PKIB: variants seen among roughly 807,000 people sequenced by gnomAD.
PKIB encodes the protein cAMP-dependent protein kinase inhibitor beta.
A neutral mutation model predicts 4.5 loss-of-function variants in PKIB; 2 were observed. That is an observed-to-expected ratio of 0.44 (90% CI 0.18 to 1.39). PKIB has a LOEUF of 1.39. PKIB is among the 40% of genes most tolerant of loss of function. The pLI, the probability that PKIB is intolerant of heterozygous loss-of-function variation, is 0.27. For synonymous variants in PKIB, 38 were observed against 36.0 expected (o/e 1.06, Z -0.20); for missense variants, 94 against 92.6 (o/e 1.02, Z -0.06).
chr6:122,524,138 C>T (rs1257100696), intron 2 of PKIB, among the ~76,000 whole-genome samples: 1 of 151,182 alleles, frequency 6.6e-6, no homozygotes, highest in Non-Finnish European at 1.5e-5. Flanking sequence ...CCTCCTCCTT[C>T]CTCCTCCTCC....
At chr6:122,699,948 T>G (rs1054104985) in intron 3 of PKIB, among the ~76,000 whole-genome samples, 1 of 152,144 alleles carries the variant, frequency 6.6e-6, no homozygotes, top group African/African-American at 2.4e-5. Context: ...TGTTTAAATT[T>G]AGGAAGATCC....
chr6:122,708,863 C>T (rs1455867043), intron 3 of PKIB, among the ~76,000 whole-genome samples: 1 of 152,110 alleles, frequency 6.6e-6, no homozygotes, highest in Admixed American at 6.6e-5. Context: ...AAACTCCTGA[C>T]CTCAGGTGAT....
intron 1 of PKIB, among the ~76,000 whole-genome samples, chr6:122,627,229 G>C (rs1270434942): frequency 6.6e-6 from 1 of 150,708 alleles, no homozygotes; most frequent in East Asian, 2.0e-4. Context: ...GGGCGACAGA[G>C]TTAGACTCCG....
At chr6:122,530,676 A>G (rs575696392) in intron 2 of PKIB, among the ~76,000 whole-genome samples, 18 of 152,302 alleles carry the variant, frequency 1.2e-4, no homozygotes, top group African/African-American at 4.3e-4. Context: ...ACTGCAGCCT[A>G]ACATGCTACT....
intron 2 of PKIB, among the ~76,000 whole-genome samples, chr6:122,532,020 T>C (rs1256390771): frequency 6.6e-6 from 1 of 152,192 alleles, no homozygotes; most frequent in East Asian, 1.9e-4. Flanking sequence ...TTCTCATCTC[T>C]AAAATTAGCT....
At chr6:122,670,428 T>A (rs1028897011) in intron 2 of PKIB, among the ~76,000 whole-genome samples, 1 of 152,210 alleles carries the variant, frequency 6.6e-6, no homozygotes, top group East Asian at 1.9e-4. Flanking sequence ...TAAAAACTTT[T>A]GCTGGATTTG....
At chr6:122,723,351 G>A (rs1467970518) in intron 4 of PKIB, among the ~76,000 whole-genome samples, 2 of 152,056 alleles carry the variant, frequency 1.3e-5, no homozygotes, top group East Asian at 1.9e-4. Flanking sequence ...GTATAAAAGC[G>A]AACTCCAGAT....
chr6:122,528,389 G>T (rs1777158316), intron 2 of PKIB, among the ~76,000 whole-genome samples: 1 of 152,126 alleles, frequency 6.6e-6, no homozygotes, highest in Non-Finnish European at 1.5e-5. Flanking sequence ...AGCTCAGGCT[G>T]ATAAAACAAA....
intron 3 of PKIB, among the ~76,000 whole-genome samples, chr6:122,710,134 A>T (rs1198461090): frequency 6.6e-6 from 1 of 152,158 alleles, no homozygotes; most frequent in East Asian, 1.9e-4. Context: ...TATTAAGCAG[A>T]TATGTTCCAG....
At chr6:122,568,595 G>A (rs991371279) in intron 2 of PKIB, among the ~76,000 whole-genome samples, 2 of 152,160 alleles carry the variant, frequency 1.3e-5, no homozygotes, top group African/African-American at 4.8e-5. Flanking sequence ...ACCCAAGAAA[G>A]CCATTACTGA....
At chr6:122,720,006 CA>C (rs1268939942) in intron 4 of PKIB, among the ~76,000 whole-genome samples, 1 of 152,042 alleles carries the variant, frequency 6.6e-6, no homozygotes, top group African/African-American at 2.4e-5. Flanking sequence ...ATTTTTTTCT[CA>C]TTAGCTAAGC....
chr6:122,577,322 G>T (rs532318383), intron 2 of PKIB, among the ~76,000 whole-genome samples: 1 of 152,274 alleles, frequency 6.6e-6, no homozygotes, highest in South Asian at 2.1e-4. Context: ...GGGACGCAGG[G>T]TTGGAGAAAT....
rs1053828216 is a variant in PKIB, at chr6:122,604,080, G to A, written c.-161+18073G>A. Among the ~76,000 whole-genome samples, 8 of 152,138 alleles carry A rather than the reference G, an allele frequency of 5.3e-5. No individual in the cohort carries two copies. The South Asian group carries it at 6.2e-4, about 12-fold the overall frequency. On this transcript the variant is annotated intron_variant, in intron 3 of 6. Coordinates refer to the PKIB transcript ENST00000392491. ...AAACACAGATGCTGCACCATTAAAT[G>A]GTTAGTTGGTTAGGGTTAGCAATTC...
chr6:122,556,483 T>G lies in PKIB; in HGVS notation c.-247-29438T>G, dbSNP rs143352070. On this transcript the variant is annotated intron_variant, in intron 2 of 6. Coordinates refer to the PKIB transcript ENST00000392491. ...TACTTGGACATGCTATTCTGATCTA[T>G]GTACCTAGTGTCTCTAAAGACTGCC... 2.6e-3 allele frequency among the ~76,000 whole-genome samples: 400 copies of G among 152,314 alleles called. 2 individuals are homozygous for G. Among genetic ancestry groups the G allele is most frequent in the Non-Finnish European group, 4.0e-3 (270 of 68,020 alleles).
intron 2 of PKIB, among the ~76,000 whole-genome samples, chr6:122,559,990 G>C (rs1772967207): frequency 6.6e-6 from 1 of 152,142 alleles, no homozygotes; most frequent in African/African-American, 2.4e-5. Flanking sequence ...TCAGCAAACA[G>C]TGACAGTTTG....
chr6:122,725,037 GT>G, intron 4 of PKIB, 90 bp from the exon 5 acceptor site: 1 of 997,320 alleles, frequency 1.0e-6, no homozygotes, highest in Non-Finnish European at 1.5e-6. Flanking sequence ...AATATGGACG[GT>G]GGACAAAGGA....
At chr6:122,496,892 A>G (rs1371606018) in intron 2 of PKIB, among the ~76,000 whole-genome samples, 1 of 152,218 alleles carries the variant, frequency 6.6e-6, no homozygotes, top group Non-Finnish European at 1.5e-5. Context: ...TCCAGATACT[A>G]TACAAAATGA....
chr6:122,626,444 C>T (rs1252640474), intron 1 of PKIB, among the ~76,000 whole-genome samples: 1 of 152,142 alleles, frequency 6.6e-6, no homozygotes, highest in African/African-American at 2.4e-5. Flanking sequence ...CTGGGGAAGA[C>T]TATCAAACAC....
At chr6:122,502,152 A>G (rs1318688364) in intron 2 of PKIB, among the ~76,000 whole-genome samples, 1 of 151,686 alleles carries the variant, frequency 6.6e-6, no homozygotes, top group Non-Finnish European at 1.5e-5. Context: ...CACTATCAGC[A>G]TTTTGGTCCA....
Sources: allele counts gnomAD v4.1 joint callset (sites outside exome capture counted in the v4.1 genomes callset), GRCh38; gene constraint gnomAD v4.1.1; transcripts MANE v1.5; gene names NCBI Gene and HGNC (gene_info 2026-07-23, HGNC 2026-07-21).